Variants in NEXMIF observed in about 807,000 individuals in gnomAD.
NEXMIF encodes the protein neurite extension and migration factor, also known as XLMR protein related to neurite extension.
A neutral mutation model predicts 62.1 loss-of-function variants in NEXMIF; 8 were observed. The ratio of observed to expected loss-of-function variants is 0.13; its 90% CI spans 0.08 to 0.23. The LOEUF is 0.23. Ranked by LOEUF, NEXMIF falls within the 10% of genes least tolerant of loss-of-function variation. The pLI, the probability that NEXMIF is intolerant of heterozygous loss-of-function variation, is 1.00. For missense variants in NEXMIF, 976 were observed against 1,113.3 expected (o/e 0.88, Z 1.75); for synonymous variants, 404 against 416.6 (o/e 0.97, Z 0.37).
At chrX:74,839,467 G>T (rs2080467207) in intron 1 of NEXMIF, among the ~76,000 whole-genome samples, 1 of 111,601 alleles carries the variant, frequency 9.0e-6, no homozygotes, top group East Asian at 2.8e-4. Context: ...TGTTACATAG[G>T]AGGTTGTAAC....
At chrX:74,836,107 C>A (rs1015223707) in intron 1 of NEXMIF, among the ~76,000 whole-genome samples, 3 of 112,535 alleles carry the variant, frequency 2.7e-5, no homozygotes, top group Non-Finnish European at 5.6e-5. Context: ...TTCTGCCTGG[C>A]CACTGCCAAT....
At chrX:74,848,826 T>G (rs1014757849) in intron 1 of NEXMIF, among the ~76,000 whole-genome samples, 1 of 111,502 alleles carries the variant, frequency 9.0e-6, no homozygotes, top group African/African-American at 3.3e-5. Context: ...ATGAATGAGA[T>G]TAGTGCCTTC....
intron 1 of NEXMIF, among the ~76,000 whole-genome samples, chrX:74,874,724 G>T (rs2080621896): frequency 1.1e-5 from 1 of 91,564 alleles, no homozygotes; most frequent in Admixed American, 1.3e-4. Flanking sequence ...TTGTAAGTTG[G>T]ATTCCTAGGT....
At chrX:74,900,830 G>A (rs2080747379) in intron 1 of NEXMIF, among the ~76,000 whole-genome samples, 1 of 112,370 alleles carries the variant, frequency 8.9e-6, no homozygotes, top group African/African-American at 3.2e-5. Flanking sequence ...CTAAAAAGAA[G>A]TAAATTCTGA....
chrX:74,899,258 T>G (rs930898332), intron 1 of NEXMIF, among the ~76,000 whole-genome samples: 1 of 111,458 alleles, frequency 9.0e-6, no homozygotes, highest in African/African-American at 3.3e-5. Flanking sequence ...ATAAAAGGCA[T>G]CAAATAGGAA....
At chrX:74,814,730 T>C (rs2080370655) in intron 1 of NEXMIF, among the ~76,000 whole-genome samples, 1 of 112,562 alleles carries the variant, frequency 8.9e-6, no homozygotes, top group Non-Finnish European at 1.9e-5. Flanking sequence ...TGAGACTTAA[T>C]ATATAATTGA....
At chrX:74,903,892 T>C (rs867805289) in intron 1 of NEXMIF, among the ~76,000 whole-genome samples, 3 of 86,808 alleles carry the variant, frequency 3.5e-5, no homozygotes, top group Admixed American at 1.6e-4. Context: ...TGTGTGTGTG[T>C]GTGTGTGTGT....
chrX:74,822,575 G>A (rs952457287), intron 1 of NEXMIF, among the ~76,000 whole-genome samples: 1 of 111,731 alleles, frequency 9.0e-6, no homozygotes, highest in African/African-American at 3.3e-5. Context: ...TTAAAAATGG[G>A]CAAAGAGTCT....
At chrX:74,919,720 AC>A (rs1167957358) in intron 1 of NEXMIF, among the ~76,000 whole-genome samples, 28 of 110,508 alleles carry the variant, frequency 2.5e-4, no homozygotes, top group Admixed American at 1.3e-3. Context: ...GGTGTGCTGC[AC>A]CCATTAACTC....
chrX:74,777,858 A>C (rs1244282254), intron 1 of NEXMIF, among the ~76,000 whole-genome samples: 4 of 111,456 alleles, frequency 3.6e-5, no homozygotes, highest in Non-Finnish European at 7.5e-5. Context: ...AATTAAGCAG[A>C]AACCAGCTCC....
At chrX:74,752,200 G>A (rs998503800) in intron 1 of NEXMIF, among the ~76,000 whole-genome samples, 7 of 111,918 alleles carry the variant, frequency 6.3e-5, no homozygotes, top group Admixed American at 1.9e-4. Context: ...GTGTGATACT[G>A]AGATGAGCCT....
intron 1 of NEXMIF, among the ~76,000 whole-genome samples, chrX:74,750,913 T>C (rs2080140089): frequency 9.0e-6 from 1 of 111,409 alleles, no homozygotes; most frequent in African/African-American, 3.3e-5. Context: ...CTATTAAATA[T>C]TTCCTCTCTC....
intron 1 of NEXMIF, among the ~76,000 whole-genome samples, chrX:74,888,393 G>A (rs2080705328): frequency 9.1e-6 from 1 of 109,896 alleles, no homozygotes; most frequent in Non-Finnish European, 1.9e-5. Flanking sequence ...TCCCTTGCAG[G>A]GACATGGATG....
intron 1 of NEXMIF, among the ~76,000 whole-genome samples, chrX:74,879,571 G>GTGGTATTTAATATACAA (rs1425446053): frequency 1.8e-5 from 2 of 112,009 alleles, no homozygotes; most frequent in African/African-American, 6.5e-5. Flanking sequence ...AAGAACACCT[G>GTGGTATTTAATATACAA]GAAGCAAATT....
intron 1 of NEXMIF, among the ~76,000 whole-genome samples, chrX:74,754,763 T>C (rs951806908): frequency 5.4e-5 from 6 of 112,013 alleles, no homozygotes; most frequent in African/African-American, 1.9e-4. Flanking sequence ...CTAAGAATTA[T>C]AGAACTATCT....
chrX:74,831,299 C>T (rs1283658627), intron 1 of NEXMIF, among the ~76,000 whole-genome samples: 1 of 109,041 alleles, frequency 9.2e-6, no homozygotes, highest in Admixed American at 9.8e-5. Flanking sequence ...CCCATTAACT[C>T]GTCATTTAGC....
chrX:74,821,900 C>A (rs1025204102), intron 1 of NEXMIF, among the ~76,000 whole-genome samples: 4 of 111,251 alleles, frequency 3.6e-5, no homozygotes, highest in African/African-American at 1.3e-4. Context: ...CAGGCATGCA[C>A]CACCACGCTC....
intron 1 of NEXMIF, among the ~76,000 whole-genome samples, chrX:74,783,843 C>T (rs1299105330): frequency 8.9e-6 from 1 of 111,736 alleles, no homozygotes; most frequent in Non-Finnish European, 1.9e-5. Flanking sequence ...AAGCTGTTCT[C>T]CAGTCTACTT....
rs141492768 is a variant in NEXMIF, at chrX:74,760,671, T to C, written c.-47-14974A>G. Among the ~76,000 whole-genome samples the C allele has an allele frequency of 7.6e-3, 847 of 111,277 alleles. 5 individuals are homozygous for C. The highest frequency in any genetic ancestry group is 0.012 in the Admixed American group (122 of 10,433). The stretch of plus-strand genomic sequence containing the variant: ...ATGGGGTTTTTGTCTTTAGTTGTGT[T>C]TATGTGATGAATCACATTTATTGAT... On this transcript the variant is annotated intron_variant, in intron 1 of 3. Coordinates refer to ENST00000055682, the MANE Select transcript of NEXMIF (RefSeq NM_001008537.3).
Sources: allele counts gnomAD v4.1 joint callset (sites outside exome capture counted in the v4.1 genomes callset), GRCh38; gene constraint gnomAD v4.1.1; transcripts MANE v1.5; gene names NCBI Gene and HGNC (gene_info 2026-07-23, HGNC 2026-07-21).